SEL1L3: variants seen among roughly 807,000 people sequenced by gnomAD.
The protein encoded by SEL1L3 is SEL1L family member 3, also known as protein sel-1 homolog 3.
SEL1L3 carries 76 observed loss-of-function variants against 142.8 expected under a neutral mutation model. That is an observed-to-expected ratio of 0.53 (90% CI 0.44 to 0.64). The LOEUF is 0.64. Ranked by LOEUF, SEL1L3 falls within the 30% of genes least tolerant of loss-of-function variation. The probability of loss-of-function intolerance (pLI) is 0.00; values close to 1 mark genes in which losing one functional copy is unlikely to be tolerated. For synonymous variants in SEL1L3, 504 were observed against 519.6 expected, an observed-to-expected ratio of 0.97 and a Z score of 0.41; for missense variants, 1,262 against 1,381.7, an observed-to-expected ratio of 0.91 and a Z score of 1.37.
chr4:25,804,747 T>C lies in SEL1L3; in HGVS notation c.1570A>G (p.Arg524Gly). The part of the protein sequence containing the change: ...LLEMDLLTVP[R>G]NQNESVSEIG... Reference sequence around the variant, plus strand: ...TCTGATACAGATTCATTTTGGTTCCTTGGCACTGTAAATAACACAATTCAG... The same window carrying C: ...TCTGATACAGATTCATTTTGGTTCCCTGGCACTGTAAATAACACAATTCAG... Residue 524 changes from arginine (R) to glycine (G), a missense_variant, in exon 10 of 24, where the codon AGG becomes GGG. Transcript: ENST00000399878. 6.2e-7 allele frequency: 1 copy of C among 1,609,542 alleles called. No homozygotes were observed. Among genetic ancestry groups the C allele is most frequent in the South Asian group, 1.1e-5 (1 of 90,964 alleles).
At chr4:25,815,307 C>T (rs536460152) in intron 9 of SEL1L3, among the ~76,000 whole-genome samples, 34 of 152,254 alleles carry the variant, frequency 2.2e-4, no homozygotes, top group African/African-American at 4.3e-4. Flanking sequence ...AGAAGTCTAA[C>T]GGAGGTCAGC....
chr4:25,798,276 G>C (rs1712926971), intron 11 of SEL1L3, among the ~76,000 whole-genome samples: 1 of 152,064 alleles, frequency 6.6e-6, no homozygotes, highest in African/African-American at 2.4e-5. Context: ...CTCTAGAATG[G>C]GCAGCTCAGA....
the SEL1L3 span, among the ~76,000 whole-genome samples, chr4:25,729,948 C>A: frequency 6.6e-6 from 1 of 151,630 alleles, no homozygotes; most frequent in Non-Finnish European, 1.5e-5. Context: ...TTCTTCCCCT[C>A]CTTCTCCTTC....
intron 21 of SEL1L3, 72 bp downstream of exon 21, chr4:25,758,869 C>G: frequency 6.8e-7 from 1 of 1,480,756 alleles, no homozygotes; most frequent in East Asian, 2.3e-5. Context: ...GTAAAGCTAA[C>G]TTTAACCAAG....
chr4:25,777,091 T>C (rs1719687177), intron 16 of SEL1L3, among the ~76,000 whole-genome samples: 1 of 152,038 alleles, frequency 6.6e-6, no homozygotes, highest in Non-Finnish European at 1.5e-5. Flanking sequence ...ACATGCTGCT[T>C]ACAAGAGCCA....
intron 21 of SEL1L3, 87 bp downstream of exon 21, chr4:25,758,854 T>C: frequency 7.5e-7 from 1 of 1,340,260 alleles, no homozygotes; most frequent in Non-Finnish European, 1.0e-6. Flanking sequence ...CATTACAATA[T>C]AAGGGTAAAG....
Position 25,847,285 on chromosome 4 carries a change from A to G in SEL1L3, c.733+9T>C. ...GAGAATTAGGTTCCTAGCAAGATAG[A>G]TGACCTACCATTTTCCAGAGGACAC... On this transcript the variant is annotated intron_variant, in intron 2 of 23. Coordinates refer to ENST00000399878, the MANE Select transcript of SEL1L3 (RefSeq NM_015187.5). The G allele has an allele frequency of 6.2e-7, 1 of 1,600,638 alleles. No homozygotes were observed.
At position 25,782,436 on chromosome 4, in the gene SEL1L3, A is replaced by G; in HGVS notation, c.2281-18T>C. On this transcript the variant is annotated intron_variant, in intron 14 of 23. Transcript: ENST00000399878. Reference sequence around the variant, plus strand: ...TGCAATCCCTGAATTTTGGAACAAGAAAGAAATTAACTTTAGAAAAATGAA... The same window carrying G: ...TGCAATCCCTGAATTTTGGAACAAGGAAGAAATTAACTTTAGAAAAATGAA... 1 of 1,607,256 alleles carries G rather than the reference A, an allele frequency of 6.2e-7. No individual in the cohort carries two copies. The highest frequency in any genetic ancestry group is 8.5e-7 in the Non-Finnish European group (1 of 1,176,272).
At chr4:25,777,676 T>C (rs1035785116) in intron 16 of SEL1L3, 1 of 371,800 alleles carries the variant, frequency 2.7e-6, no homozygotes, top group African/African-American at 2.1e-5. Context: ...CTAGAAATCA[T>C]TAACAAGAGG....
intron 2 of SEL1L3, among the ~76,000 whole-genome samples, chr4:25,837,841 G>A (rs1404486076): frequency 6.6e-6 from 1 of 152,088 alleles, no homozygotes; most frequent in Non-Finnish European, 1.5e-5. Context: ...ATGGCTGAGT[G>A]CAATGCTATA....
At chr4:25,814,963 G>C (rs764871329) in intron 9 of SEL1L3, among the ~76,000 whole-genome samples, 13 of 152,122 alleles carry the variant, frequency 8.5e-5, no homozygotes, top group Non-Finnish European at 1.5e-4. Context: ...AGGCTCCCCA[G>C]TCCTTCCAAT....
chr4:25,832,760 T>C (rs1432757033), intron 5 of SEL1L3, among the ~76,000 whole-genome samples: 1 of 152,242 alleles, frequency 6.6e-6, no homozygotes, highest in South Asian at 2.1e-4. Context: ...GTATGCTTTA[T>C]TCATTCACCC....
chr4:25,857,072 C>A (rs1717309442), intron 1 of SEL1L3, among the ~76,000 whole-genome samples: 1 of 152,188 alleles, frequency 6.6e-6, no homozygotes, highest in Non-Finnish European at 1.5e-5. Context: ...GCTTTCTCTT[C>A]AAACTGGCTG....
intron 7 of SEL1L3, among the ~76,000 whole-genome samples, chr4:25,821,446 G>A (rs957036511): frequency 6.6e-6 from 1 of 152,214 alleles, no homozygotes. Flanking sequence ...GGCTGGAAGC[G>A]TTGGACAGTT....
chr4:25,820,382 C>T (rs1207726120), intron 7 of SEL1L3, among the ~76,000 whole-genome samples: 1 of 152,256 alleles, frequency 6.6e-6, no homozygotes, highest in Non-Finnish European at 1.5e-5. Context: ...ACAGGCCCCC[C>T]TAGTGGCTCA....
At chr4:25,733,474 T>C in the SEL1L3 span, among the ~76,000 whole-genome samples, 3 of 151,930 alleles carry the variant, frequency 2.0e-5, no homozygotes, top group African/African-American at 7.2e-5. Context: ...TTCTACAACA[T>C]TGATAAGATC....
At chr4:25,849,136 C>T (rs975097196) in intron 1 of SEL1L3, among the ~76,000 whole-genome samples, 4 of 152,086 alleles carry the variant, frequency 2.6e-5, no homozygotes, top group African/African-American at 4.8e-5. Flanking sequence ...GAGACTCCAT[C>T]TCAAAAAAGA....
intron 20 of SEL1L3, among the ~76,000 whole-genome samples, chr4:25,764,562 G>T (rs147696076): frequency 6.6e-6 from 1 of 152,050 alleles, no homozygotes; most frequent in African/African-American, 2.4e-5. Flanking sequence ...AAACTCTGTC[G>T]CTTAAGCAAA....
intron 17 of SEL1L3, among the ~76,000 whole-genome samples, chr4:25,774,507 A>C (rs376849128): frequency 7.2e-4 from 109 of 152,324 alleles, no homozygotes; most frequent in African/African-American, 2.4e-3. Flanking sequence ...CAGAAATCTT[A>C]ATTCATCTAG....
Sources: gnomAD v4.1 joint callset for allele counts (sites outside exome capture counted in the v4.1 genomes callset) on GRCh38, gnomAD v4.1.1 for gene constraint, MANE v1.5 for transcripts, NCBI Gene and HGNC (gene_info 2026-07-23, HGNC 2026-07-21) for gene names.